Variants in CFAP52 observed in about 807,000 individuals in gnomAD.
The protein encoded by CFAP52 is cilia and flagella associated protein 52.
Under a neutral mutation model 70.5 loss-of-function variants are expected in CFAP52, and 57 were observed. The observed-to-expected ratio is 0.81, with a 90% CI of 0.65 to 1.01. The LOEUF (loss-of-function observed/expected upper bound fraction) is 1.01, where lower values mean the gene tolerates loss of function less well. Ranked by LOEUF, CFAP52 falls within the 50% of genes least tolerant of loss-of-function variation. The pLI is 0.00. For missense variants in CFAP52, 785 were observed against 788.5 expected (o/e 1.00, Z 0.05); for synonymous variants, 267 against 292.5 (o/e 0.91, Z 0.89).
intron 6 of CFAP52, among the ~76,000 whole-genome samples, chr17:9,600,601 G>A (rs1249601924): frequency 6.6e-6 from 1 of 152,114 alleles, no homozygotes; most frequent in Non-Finnish European, 1.5e-5. Flanking sequence ...GTCTCGCTCT[G>A]TCGCCCAGGC....
intron 12 of CFAP52, among the ~76,000 whole-genome samples, chr17:9,639,322 T>G (rs955530335): frequency 4.6e-5 from 7 of 151,814 alleles, no homozygotes; most frequent in East Asian, 3.9e-4. Context: ...TCTCAGCTAC[T>G]CAAGAGGCTG....
At chr17:9,628,883 T>C in intron 9 of CFAP52, 63 bp downstream of exon 9, 1 of 1,605,522 alleles carries the variant, frequency 6.2e-7, no homozygotes, top group Non-Finnish European at 8.5e-7. Context: ...CTTGTCACTC[T>C]CCTCCCATAC....
intron 12 of CFAP52, chr17:9,638,938 T>C: frequency 1.9e-6 from 1 of 521,892 alleles, no homozygotes; most frequent in Non-Finnish European, 3.4e-6. Context: ...AGGATTAAAG[T>C]CATGCTTGCT....
chr17:9,632,387 C>CG (rs1910584828), intron 9 of CFAP52, among the ~76,000 whole-genome samples: 1 of 150,650 alleles, frequency 6.6e-6, no homozygotes, highest in Admixed American at 6.6e-5. Flanking sequence ...AGATATAAGC[C>CG]TTTTTTTTTA....
rs1416072885 is a variant in CFAP52, at chr17:9,616,440, C to T, written c.1025+3961C>T. ...CTGGGGGAGGGGCGCCCGCCATTGC[C>T]CAGGCTTGCTTAGGTAAACAAAGCA... On this transcript the variant is annotated intron_variant, in intron 8 of 13. Transcript: ENST00000352665. 3.8e-5 allele frequency among the ~76,000 whole-genome samples: 5 copies of T among 132,376 alleles called. No individual in the cohort carries two copies. In the East Asian group the frequency reaches 6.8e-4, roughly 18 times the overall value. The allele number at this position is 132,376 out of a possible 152,430, so 86.8% of individuals were successfully genotyped here.
chr17:9,590,255 C>A, intron 3 of CFAP52: 1 of 190,274 alleles, frequency 5.3e-6, no homozygotes, highest in East Asian at 1.3e-4. Flanking sequence ...TACCTATGCC[C>A]ATGTGCCTGC....
chr17:9,604,519 G>C (rs1909401684), intron 6 of CFAP52, among the ~76,000 whole-genome samples: 1 of 152,074 alleles, frequency 6.6e-6, no homozygotes, highest in African/African-American at 2.4e-5. Flanking sequence ...TGTAATCCCA[G>C]CACTTTGGGA....
intron 8 of CFAP52, among the ~76,000 whole-genome samples, chr17:9,626,940 T>G (rs192928435): frequency 6.6e-6 from 1 of 152,338 alleles, no homozygotes; most frequent in East Asian, 1.9e-4. Context: ...TTGCTTGAGA[T>G]GTACTGAAAT....
intron 9 of CFAP52, among the ~76,000 whole-genome samples, chr17:9,631,088 GA>G (rs1910516829): frequency 6.8e-6 from 1 of 146,986 alleles, no homozygotes; most frequent in African/African-American, 2.6e-5. Flanking sequence ...GAAAGAGAAA[GA>G]AAGAAAGAGA....
intron 6 of CFAP52, among the ~76,000 whole-genome samples, chr17:9,602,758 C>T (rs1263610846): frequency 1.3e-5 from 2 of 152,168 alleles, no homozygotes; most frequent in African/African-American, 4.8e-5. Context: ...CCTATTTCTC[C>T]ACATCCTCCC....
chr17:9,624,458 A>C (rs1170691871), intron 8 of CFAP52, among the ~76,000 whole-genome samples: 8 of 151,960 alleles, frequency 5.3e-5, no homozygotes, highest in Admixed American at 5.3e-4. Flanking sequence ...CCACCTAGTA[A>C]ATTTATTTTA....
At chr17:9,589,661 A>T (rs1908652275) in intron 3 of CFAP52, among the ~76,000 whole-genome samples, 1 of 150,954 alleles carries the variant, frequency 6.6e-6, no homozygotes, top group Non-Finnish European at 1.5e-5. Context: ...TGAACCTGGG[A>T]GGCGGAGGTT....
In CFAP52 at chr17:9,628,833, T is replaced by C; in HGVS notation, c.1174+13T>C. ...AGCATCATTTCAGGTAACGTCCACATGTCAAGATCTGGCTTGGGGCTCTAG... is the reference window on the plus strand; with the variant it reads ...AGCATCATTTCAGGTAACGTCCACACGTCAAGATCTGGCTTGGGGCTCTAG... On this transcript the variant is annotated intron_variant, in intron 9 of 13. Coordinates refer to ENST00000352665, the MANE Select transcript of CFAP52 (RefSeq NM_145054.5). 6.2e-7 allele frequency: 1 copy of C among 1,613,896 alleles called. No homozygotes were observed. The highest frequency in any genetic ancestry group is 1.1e-5 in the South Asian group (1 of 91,074).
At chr17:9,578,086 C>A (rs1353449759) in intron 1 of CFAP52, among the ~76,000 whole-genome samples, 1 of 151,904 alleles carries the variant, frequency 6.6e-6, no homozygotes, top group African/African-American at 2.4e-5. Flanking sequence ...AGCGAGACTC[C>A]GTCTCAAAAA....
chr17:9,645,435 T>A, downstream of CFAP52: 1 of 359,264 alleles, frequency 2.8e-6, no homozygotes, highest in Non-Finnish European at 4.5e-6. This position sits in a 1 kb window ranked among gnomAD's most constrained non-coding sequence, Gnocchi z 6.8. Context: ...GGCGCTGCCC[T>A]GGAGGGGGCT....
chr17:9,590,196 T>G (rs1016863052), intron 3 of CFAP52: 6 of 181,162 alleles, frequency 3.3e-5, no homozygotes, highest in African/African-American at 1.4e-4. Context: ...GAATCCTCAT[T>G]CTCCTCATCC....
chr17:9,613,869 C>T (rs142636794), intron 8 of CFAP52, among the ~76,000 whole-genome samples: 2 of 148,686 alleles, frequency 1.3e-5, no homozygotes, highest in Non-Finnish European at 3.0e-5. Context: ...TCCCTGAATC[C>T]CTGTGATTAG....
chr17:9,634,383 G>C (rs933191517), intron 10 of CFAP52, among the ~76,000 whole-genome samples: 4 of 152,260 alleles, frequency 2.6e-5, no homozygotes, highest in African/African-American at 7.2e-5. Context: ...GGTGGCTCAC[G>C]CCTGTAATCT....
chr17:9,584,416 C>G, intron 1 of CFAP52: 1 of 1,254,960 alleles, frequency 8.0e-7, no homozygotes, highest in Non-Finnish European at 1.0e-6. Flanking sequence ...AATTATTTTC[C>G]TGGTTATATT....
Sources: allele counts gnomAD v4.1 joint callset (sites outside exome capture counted in the v4.1 genomes callset), GRCh38; gene constraint gnomAD v4.1.1; non-coding constraint Gnocchi (gnomAD v3.1); transcripts MANE v1.5; gene names NCBI Gene and HGNC (gene_info 2026-07-23, HGNC 2026-07-21).